Variants in PDE10A observed in about 807,000 individuals in gnomAD.
The protein encoded by PDE10A is cAMP and cAMP-inhibited cGMP 3',5'-cyclic phosphodiesterase 10A.
In PDE10A, 39 loss-of-function variants were observed where a neutral mutation model predicts 97.7. The observed-to-expected ratio is 0.40, with a 90% CI of 0.31 to 0.52. The LOEUF (loss-of-function observed/expected upper bound fraction) is 0.52, where lower values mean the gene tolerates loss of function less well. Ranked by LOEUF, PDE10A falls within the 20% of genes least tolerant of loss-of-function variation. The pLI is 0.56. For synonymous variants in PDE10A, 371 were observed against 376.8 expected, an observed-to-expected ratio of 0.98 and a Z score of 0.18; for missense variants, 731 against 1,047.8, an observed-to-expected ratio of 0.70 and a Z score of 4.17.
In PDE10A at chr6:165,331,481, T is replaced by C. The variant is rs1435829306; in HGVS notation, c.*1544A>G. On this transcript the variant is annotated 3_prime_UTR_variant, in exon 22 of 22. Transcript: ENST00000539869. ...TTTAATTTTGCACAAACCAGGCTCATATGAACAAAACGCCTATGGTGGTAA... is the reference window on the plus strand; with the variant it reads ...TTTAATTTTGCACAAACCAGGCTCACATGAACAAAACGCCTATGGTGGTAA... 1 of 152,232 alleles carries C rather than the reference T, an allele frequency of 6.6e-6. No individual in the cohort carries two copies. Among genetic ancestry groups the C allele is most frequent in the South Asian group, 2.1e-4 (1 of 4,838 alleles). The allele number at this position is 152,232 out of a possible 1,614,324, so 9.4% of individuals were successfully genotyped here.
At chr6:165,833,441 T>G (rs973657880) in intron 1 of PDE10A, among the ~76,000 whole-genome samples, 1 of 152,254 alleles carries the variant, frequency 6.6e-6, no homozygotes, top group Non-Finnish European at 1.5e-5. Flanking sequence ...ACCTGCCCTT[T>G]GCAGGCATGG....
At chr6:165,945,759 G>T (rs1312276775) in intron 1 of PDE10A, among the ~76,000 whole-genome samples, 1 of 152,202 alleles carries the variant, frequency 6.6e-6, no homozygotes, top group African/African-American at 2.4e-5. Flanking sequence ...ACTAGCCTAA[G>T]ACATTTGCTA....
At chr6:165,949,656 A>C (rs1042453190) in intron 1 of PDE10A, 1 of 152,222 alleles carries the variant, frequency 6.6e-6, no homozygotes, top group Non-Finnish European at 1.5e-5. Flanking sequence ...TCTCTTTAGA[A>C]GAACTCTATT....
intron 5 of PDE10A, among the ~76,000 whole-genome samples, chr6:165,439,580 T>A (rs1790281954): frequency 6.6e-6 from 1 of 152,190 alleles, no homozygotes; most frequent in Non-Finnish European, 1.5e-5. Context: ...AGAAAATCAA[T>A]CCTATCAGAG....
At chr6:165,844,465 G>A (rs1409666112) in intron 1 of PDE10A, among the ~76,000 whole-genome samples, 1 of 152,198 alleles carries the variant, frequency 6.6e-6, no homozygotes, top group African/African-American at 2.4e-5. Flanking sequence ...CACCTAAGGT[G>A]TTCTAAGTCA....
At chr6:165,502,856 G>A (rs1455918493) in intron 2 of PDE10A, among the ~76,000 whole-genome samples, 1 of 152,170 alleles carries the variant, frequency 6.6e-6, no homozygotes, top group Non-Finnish European at 1.5e-5. Context: ...GGGTGTAGGA[G>A]GGAACATTAC....
At position 165,861,390 on chromosome 6, in the gene PDE10A, C is replaced by CG. The variant is rs895253802; in HGVS notation, c.-615+126138dup. Among the ~76,000 whole-genome samples the CG allele has an allele frequency of 1.0e-4, 15 of 150,672 alleles. 1 individual carries two copies. Among genetic ancestry groups the CG allele is most frequent in the East Asian group, 2.0e-4 (1 of 5,080 alleles). On this transcript the variant is annotated intron_variant, in intron 1 of 19. Coordinates refer to the PDE10A transcript ENST00000366882. ...AAAACAAGGACACAGCTTGTCCTCT[C>CG]GGGGGGGCGCTATGGAGGCAACAAA...
intron 1 of PDE10A, among the ~76,000 whole-genome samples, chr6:165,674,610 G>T (rs567722919): frequency 5.6e-4 from 86 of 152,286 alleles, no homozygotes; most frequent in Non-Finnish European, 1.1e-3. Context: ...GCTCGCTAAT[G>T]ATCTTTTCGC....
chr6:165,515,481 T>G (rs1781741305), intron 2 of PDE10A, among the ~76,000 whole-genome samples: 1 of 148,632 alleles, frequency 6.7e-6, no homozygotes, highest in South Asian at 2.1e-4. Flanking sequence ...AAAATAAAAT[T>G]TATAGTATAC....
At chr6:165,570,898 A>G (rs1010017214) in intron 1 of PDE10A, among the ~76,000 whole-genome samples, 4 of 152,238 alleles carry the variant, frequency 2.6e-5, no homozygotes, top group African/African-American at 9.6e-5. Context: ...TGACATTTTC[A>G]TCAACCAATC....
intron 1 of PDE10A, among the ~76,000 whole-genome samples, chr6:165,768,648 A>G (rs1224363482): frequency 6.6e-6 from 1 of 152,168 alleles, no homozygotes; most frequent in Non-Finnish European, 1.5e-5. Context: ...TTAAAAAATT[A>G]GGATAATCTA....
intron 2 of PDE10A, among the ~76,000 whole-genome samples, chr6:165,535,603 G>A (rs1018486600): frequency 3.4e-5 from 5 of 147,072 alleles, no homozygotes; most frequent in Non-Finnish European, 6.0e-5. Flanking sequence ...GTGTGTGCGC[G>A]TGTGTGTGTG....
rs116059457 is a variant in PDE10A, at chr6:165,355,249, T to C, written c.2784-11747A>G. Among the ~76,000 whole-genome samples the C allele has an allele frequency of 5.9e-3, 900 of 152,314 alleles. 14 individuals carry two copies. The highest frequency in any genetic ancestry group is 0.021 in the African/African-American group (857 of 41,568). ...GTTATGTTATATAGAATGAAATGCA[T>C]AAATTTGAAGGATATTAGTGAGTAT... On this transcript the variant is annotated intron_variant, in intron 18 of 21. Coordinates refer to ENST00000539869, the MANE Select transcript of PDE10A (RefSeq NM_001385079.1).
At chr6:165,880,407 T>C (rs536394146) in intron 1 of PDE10A, among the ~76,000 whole-genome samples, 66 of 152,324 alleles carry the variant, frequency 4.3e-4, no homozygotes, top group Middle Eastern at 6.8e-3. Flanking sequence ...GAGTGGGGTT[T>C]GAATCTATGT....
chr6:165,632,581 C>G (rs1023921464), intron 1 of PDE10A, among the ~76,000 whole-genome samples: 2 of 152,186 alleles, frequency 1.3e-5, no homozygotes, highest in Non-Finnish European at 2.9e-5. Flanking sequence ...GCTGGGAGAA[C>G]AGGACTTACT....
rs899237893 is a variant in PDE10A at position 165,331,950 on chromosome 6, G to T, written c.*1075C>A. 6.6e-6 allele frequency: 1 copy of T among 152,166 alleles called. No individual in the cohort carries two copies. The highest frequency in any genetic ancestry group is 2.4e-5 in the African/African-American group (1 of 41,436). 9.4% of individuals were successfully genotyped at this position (152,166 alleles called of 1,614,324 possible). A position where few individuals can be genotyped will look rare whatever the true frequency, so the allele number is the denominator to read the frequency against. ...CTCATGAAATACGACCGTGCAGTACGTGGAAGAGATAAGTGAGAGGTGACT... is the reference window on the plus strand; with the variant it reads ...CTCATGAAATACGACCGTGCAGTACTTGGAAGAGATAAGTGAGAGGTGACT... On this transcript the variant is annotated 3_prime_UTR_variant, in exon 22 of 22. Coordinates refer to ENST00000539869, the MANE Select transcript of PDE10A (RefSeq NM_001385079.1).
At chr6:165,368,142 T>A (rs1783943838) in intron 18 of PDE10A, among the ~76,000 whole-genome samples, 1 of 152,112 alleles carries the variant, frequency 6.6e-6, no homozygotes, top group East Asian at 1.9e-4. Context: ...ATTACAGGCA[T>A]GCACCACCAC....
intron 17 of PDE10A, among the ~76,000 whole-genome samples, chr6:165,380,692 GA>G (rs1784877011): frequency 6.6e-6 from 1 of 152,198 alleles, no homozygotes. Flanking sequence ...TGAGCCGTTT[GA>G]GCATAGGCTG....
At chr6:165,405,440 T>C (rs1189402096) in intron 13 of PDE10A, among the ~76,000 whole-genome samples, 1 of 152,240 alleles carries the variant, frequency 6.6e-6, no homozygotes, top group Non-Finnish European at 1.5e-5. Context: ...GCTGCAATGA[T>C]AATTCATAAA....
Sources: allele counts gnomAD v4.1 joint callset (sites outside exome capture counted in the v4.1 genomes callset), GRCh38; gene constraint gnomAD v4.1.1; transcripts MANE v1.5; gene names NCBI Gene and HGNC (gene_info 2026-07-23, HGNC 2026-07-21).